ARHGAP15: variants seen among roughly 807,000 people sequenced by gnomAD.
ARHGAP15 encodes the protein rho GTPase-activating protein 15.
ARHGAP15 carries 51 observed loss-of-function variants against 63.7 expected under a neutral mutation model. The observed-to-expected ratio is 0.80, with a 90% CI of 0.64 to 1.01. ARHGAP15 has a LOEUF of 1.01. ARHGAP15 is among the 50% of genes least tolerant of loss of function. ARHGAP15 has a pLI of 0.00. For synonymous variants in ARHGAP15, 191 were observed against 193.8 expected (o/e 0.99, Z 0.12); for missense variants, 560 against 564.6 (o/e 0.99, Z 0.08).
At chr2:143,219,638 G>A (rs1435611814) in intron 4 of ARHGAP15, among the ~76,000 whole-genome samples, 3 of 152,142 alleles carry the variant, frequency 2.0e-5, no homozygotes, top group Admixed American at 2.0e-4. Context: ...GACTACTGTT[G>A]TCACACTTTC....
At chr2:143,328,267 C>G (rs1030630025) in intron 6 of ARHGAP15, among the ~76,000 whole-genome samples, 4 of 152,112 alleles carry the variant, frequency 2.6e-5, no homozygotes, top group African/African-American at 4.8e-5. Flanking sequence ...AATTATAAAT[C>G]ATTCTATAAA....
chr2:143,374,850 C>A (rs1468007589), intron 6 of ARHGAP15, among the ~76,000 whole-genome samples: 1 of 152,108 alleles, frequency 6.6e-6, no homozygotes, highest in Non-Finnish European at 1.5e-5. Flanking sequence ...ACTAATGACT[C>A]CTCCAGGACA....
intron 5 of ARHGAP15, among the ~76,000 whole-genome samples, chr2:143,244,365 G>C (rs190667365): frequency 6.6e-6 from 1 of 152,160 alleles, no homozygotes; most frequent in Non-Finnish European, 1.5e-5. Flanking sequence ...ATGGTGGAAG[G>C]AGTGAGTGAC....
chr2:143,323,935 G>T (rs1684141959), intron 6 of ARHGAP15, among the ~76,000 whole-genome samples: 1 of 137,708 alleles, frequency 7.3e-6, no homozygotes, highest in African/African-American at 2.9e-5. Flanking sequence ...ACCTAAATAG[G>T]CAGACAACGG....
At chr2:143,354,762 T>C (rs749676657) in intron 6 of ARHGAP15, among the ~76,000 whole-genome samples, 1 of 152,178 alleles carries the variant, frequency 6.6e-6, no homozygotes, top group Non-Finnish European at 1.5e-5. Flanking sequence ...GCACTGAATG[T>C]TAATTTTGCA....
intron 5 of ARHGAP15, among the ~76,000 whole-genome samples, chr2:143,245,350 G>T (rs1694009367): frequency 6.6e-6 from 1 of 152,174 alleles, no homozygotes; most frequent in Non-Finnish European, 1.5e-5. Context: ...AAGGAGAAGG[G>T]CCAACAGAAT....
At chr2:143,196,165 C>T (rs1691879221) in intron 2 of ARHGAP15, among the ~76,000 whole-genome samples, 1 of 151,920 alleles carries the variant, frequency 6.6e-6, no homozygotes, top group African/African-American at 2.4e-5. Context: ...TTTCGCTTTG[C>T]ACAATTAGAA....
chr2:143,693,972 A>AAAGT (rs1226545525), intron 12 of ARHGAP15, among the ~76,000 whole-genome samples: 1 of 152,244 alleles, frequency 6.6e-6, no homozygotes, highest in Non-Finnish European at 1.5e-5. Context: ...AAGAACAGAG[A>AAAGT]AAGTCTGGAC....
intron 8 of ARHGAP15, 112 bp downstream of exon 8, chr2:143,437,154 T>G: frequency 8.0e-7 from 1 of 1,251,682 alleles, no homozygotes; most frequent in Non-Finnish European, 1.1e-6. Flanking sequence ...CATGGAAGAT[T>G]CGTAGCCATT....
At position 143,254,867 on chromosome 2, in the gene ARHGAP15, TAA is replaced by T. The variant is rs10547943; in HGVS notation, c.474+4278_474+4279del. Among the ~76,000 whole-genome samples the T allele has an allele frequency of 7.3e-4, 108 of 148,874 alleles. No homozygotes were observed. In the East Asian group the frequency reaches 9.1e-3, roughly 13 times the overall value. On this transcript the variant is annotated intron_variant, in intron 6 of 13. Transcript: ENST00000295095. ...TAAAACAAAACAAATTCACTCCTATTAAAAAAAAAAAAGTTATTTGTATCCAC... is the reference window on the plus strand; with the variant it reads ...TAAAACAAAACAAATTCACTCCTATTAAAAAAAAAAGTTATTTGTATCCAC...
intron 11 of ARHGAP15, among the ~76,000 whole-genome samples, chr2:143,602,094 T>C (rs994536372): frequency 6.6e-6 from 1 of 152,116 alleles, no homozygotes; most frequent in Non-Finnish European, 1.5e-5. Context: ...TAAAACAATA[T>C]AGGTGGAGGT....
chr2:143,316,070 G>A (rs1429129773), intron 6 of ARHGAP15, among the ~76,000 whole-genome samples: 1 of 152,002 alleles, frequency 6.6e-6, no homozygotes, highest in African/African-American at 2.4e-5. Context: ...TGGGAGACAA[G>A]AGCGAAACTC....
At chr2:143,522,287 TTGTC>T (rs1301739695) in intron 10 of ARHGAP15, among the ~76,000 whole-genome samples, 1 of 152,174 alleles carries the variant, frequency 6.6e-6, no homozygotes, top group Non-Finnish European at 1.5e-5. Context: ...GTTTCTGACA[TTGTC>T]TGCTGAGCCT....
At chr2:143,554,773 C>T (rs2105082232) in intron 10 of ARHGAP15, among the ~76,000 whole-genome samples, 1 of 152,174 alleles carries the variant, frequency 6.6e-6, no homozygotes, top group Admixed American at 6.5e-5. Context: ...ACTATTATCA[C>T]ATTTAAGCTG....
rs56331866 is a variant in ARHGAP15 at position 143,646,600 on chromosome 2, C to T, written c.1138+22333C>T. On this transcript the variant is annotated intron_variant, in intron 12 of 13. Transcript: ENST00000295095. ...AAGAAGCTTAAGTCTGGATGATTTA[C>T]ATGTAACATTTTAAACTCCAGTTGT... Among the ~76,000 whole-genome samples, 759 of 152,144 alleles carry T rather than the reference C, an allele frequency of 5.0e-3. 4 individuals carry two copies. The highest frequency in any genetic ancestry group is 0.017 in the African/African-American group (723 of 41,534).
chr2:143,302,738 A>AG (rs1179807781), intron 6 of ARHGAP15, among the ~76,000 whole-genome samples: 4 of 152,024 alleles, frequency 2.6e-5, no homozygotes, highest in African/African-American at 9.7e-5. Context: ...TGAATTCAGG[A>AG]GGAATAGTCC....
chr2:143,324,227 T>C (rs185227391), intron 6 of ARHGAP15, among the ~76,000 whole-genome samples: 3 of 152,364 alleles, frequency 2.0e-5, no homozygotes, highest in Admixed American at 6.5e-5. Flanking sequence ...ATCATTTCTT[T>C]CCTTAGTTAT....
At chr2:143,623,774 T>C (rs1698734627) in intron 11 of ARHGAP15, among the ~76,000 whole-genome samples, 1 of 152,268 alleles carries the variant, frequency 6.6e-6, no homozygotes, top group South Asian at 2.1e-4. Context: ...CGGCCATCAT[T>C]GGCAACTCTT....
At chr2:143,254,394 A>G (rs1305606273) in intron 6 of ARHGAP15, among the ~76,000 whole-genome samples, 2 of 151,978 alleles carry the variant, frequency 1.3e-5, no homozygotes, top group South Asian at 4.1e-4. Context: ...TGGCTGCAAA[A>G]TAATTTAGAA....
Sources: gnomAD v4.1 joint callset for allele counts (sites outside exome capture counted in the v4.1 genomes callset) on GRCh38, gnomAD v4.1.1 for gene constraint, MANE v1.5 for transcripts, NCBI Gene and HGNC (gene_info 2026-07-23, HGNC 2026-07-21) for gene names.